Variants in MTCL2 observed in about 807,000 individuals in gnomAD.
The protein encoded by MTCL2 is microtubule cross-linking factor 2.
chr20:36,862,500 G>A, the MTCL2 span, among the ~76,000 whole-genome samples: 2 of 152,218 alleles, frequency 1.3e-5, no homozygotes, highest in African/African-American at 2.4e-5. Flanking sequence ...CGGGGGGAAT[G>A]AGGGAGCCCC....
chr20:36,794,767 TTC>T, the MTCL2 span: 1 of 854,508 alleles, frequency 1.2e-6, no homozygotes, highest in Non-Finnish European at 1.8e-6. This position sits in a 1 kb window ranked among gnomAD's most constrained non-coding sequence, Gnocchi z 5.4. Context: ...TGTCTGCATT[TTC>T]TTTTTTTTTT....
chr20:36,851,951 G>A, the MTCL2 span, among the ~76,000 whole-genome samples: 1 of 152,164 alleles, frequency 6.6e-6, no homozygotes, highest in African/African-American at 2.4e-5. Flanking sequence ...ATTCTGTGAA[G>A]CTAATGCCCA....
the MTCL2 span, among the ~76,000 whole-genome samples, chr20:36,858,654 TCTGC>T: frequency 5.3e-5 from 8 of 152,322 alleles, no homozygotes; most frequent in South Asian, 1.7e-3. Flanking sequence ...AGACATCCTG[TCTGC>T]CTATTGGCTA....
the MTCL2 span, among the ~76,000 whole-genome samples, chr20:36,846,499 T>C: frequency 6.6e-6 from 1 of 152,196 alleles, no homozygotes; most frequent in Admixed American, 6.5e-5. Context: ...TGCTTCCCTT[T>C]CTAGAGAATG....
the MTCL2 span, among the ~76,000 whole-genome samples, chr20:36,816,508 C>T: frequency 6.6e-6 from 1 of 152,014 alleles, no homozygotes; most frequent in Admixed American, 6.6e-5. Flanking sequence ...CCACACATAG[C>T]CTGGGAGTAC....
the MTCL2 span, among the ~76,000 whole-genome samples, chr20:36,795,172 C>T: frequency 1.3e-5 from 2 of 152,096 alleles, no homozygotes; most frequent in South Asian, 2.1e-4. Context: ...CTCCTGACCT[C>T]AGGTGATCCA....
chr20:36,785,295 C>T, the MTCL2 span: 6 of 985,244 alleles, frequency 6.1e-6, no homozygotes, highest in South Asian at 2.3e-4. Flanking sequence ...TGTTAGAGGC[C>T]TCATGTTGTC....
chr20:36,794,931 GC>G, the MTCL2 span, among the ~76,000 whole-genome samples: 2 of 151,078 alleles, frequency 1.3e-5, no homozygotes, highest in Admixed American at 1.3e-4. This position sits in a 1 kb window ranked among gnomAD's most constrained non-coding sequence, Gnocchi z 5.4. Flanking sequence ...ACCAAACCTG[GC>G]TTTTTTTTTT....
At chr20:36,817,266 CAAAAAAAAAAAA>C in the MTCL2 span, 11 of 517,012 alleles carry the variant, frequency 2.1e-5, no homozygotes, top group African/African-American at 3.3e-4. Flanking sequence ...GACTCCGTCT[CAAAAAAAAAAAA>C]AAAAAAGAAA....
the MTCL2 span, chr20:36,808,406 G>A: frequency 2.4e-6 from 2 of 841,252 alleles, no homozygotes; most frequent in Non-Finnish European, 3.7e-6. Flanking sequence ...GCATGCTGAT[G>A]GCAGGTATGT....
the MTCL2 span, among the ~76,000 whole-genome samples, chr20:36,838,974 G>GA: frequency 1.2e-3 from 180 of 144,232 alleles, no homozygotes; most frequent in Middle Eastern, 0.01. Context: ...TGTCTCAAAG[G>GA]AAAAAAAAAA....
At chr20:36,807,039 A>G in the MTCL2 span, among the ~76,000 whole-genome samples, 65 of 152,236 alleles carry the variant, frequency 4.3e-4, no homozygotes, top group African/African-American at 1.5e-3. Context: ...GAGGGCTCCT[A>G]TGTTTCCAAA....
the MTCL2 span, among the ~76,000 whole-genome samples, chr20:36,807,042 T>C: frequency 6.6e-6 from 1 of 152,182 alleles, no homozygotes; most frequent in East Asian, 1.9e-4. Flanking sequence ...GGCTCCTATG[T>C]TTCCAAACGT....
the MTCL2 span, chr20:36,862,819 G>C: frequency 5.9e-6 from 8 of 1,357,872 alleles, no homozygotes; most frequent in African/African-American, 1.5e-5. Context: ...GGCTCGTCCG[G>C]GGAGGCGGGC....
chr20:36,805,992 G>A, the MTCL2 span: 1 of 1,563,878 alleles, frequency 6.4e-7, no homozygotes, highest in South Asian at 1.2e-5. Context: ...CAGCAGGTGG[G>A]AAGTTTTCCC....
the MTCL2 span, among the ~76,000 whole-genome samples, chr20:36,787,176 CTG>C: frequency 6.6e-6 from 1 of 152,030 alleles, no homozygotes; most frequent in East Asian, 1.9e-4. Context: ...TTTAGTGTCT[CTG>C]TACCATTTCA....
the MTCL2 span, among the ~76,000 whole-genome samples, chr20:36,824,463 A>T: frequency 6.1e-3 from 926 of 152,212 alleles, 13 homozygotes; most frequent in African/African-American, 0.021. Context: ...AGGCAAATCC[A>T]GAGACAGAAA....
chr20:36,788,316 C>T, the MTCL2 span, among the ~76,000 whole-genome samples: 1 of 151,818 alleles, frequency 6.6e-6, no homozygotes. Flanking sequence ...TGTCACTGGG[C>T]TCTGGCTTGA....
chr20:36,825,030 C>T, the MTCL2 span, among the ~76,000 whole-genome samples: 2 of 151,468 alleles, frequency 1.3e-5, no homozygotes, highest in African/African-American at 4.9e-5. Context: ...ACCTCCAGCT[C>T]CCGGGTTCAA....
Sources: gnomAD v4.1 joint callset for allele counts (sites outside exome capture counted in the v4.1 genomes callset) on GRCh38, gnomAD v4.1.1 for gene constraint, Gnocchi (gnomAD v3.1) non-coding constraint, MANE v1.5 for transcripts, NCBI Gene and HGNC (gene_info 2026-07-23, HGNC 2026-07-21) for gene names.